RNF180: variants seen among roughly 807,000 people sequenced by gnomAD.
The protein encoded by RNF180 is E3 ubiquitin-protein ligase RNF180.
In RNF180, 38 loss-of-function variants were observed where a neutral mutation model predicts 59.2. The ratio of observed to expected loss-of-function variants is 0.64; its 90% CI spans 0.50 to 0.84. RNF180 has a LOEUF of 0.84. RNF180 is among the 40% of genes least tolerant of loss of function. The probability of loss-of-function intolerance (pLI) is 0.00; values close to 1 mark genes in which losing one functional copy is unlikely to be tolerated. For synonymous variants in RNF180, 262 were observed against 240.3 expected (o/e 1.09, Z -0.84); for missense variants, 705 against 700.9 (o/e 1.01, Z -0.07).
intron 7 of RNF180, among the ~76,000 whole-genome samples, chr5:64,364,442 C>T (rs988161902): frequency 6.6e-6 from 1 of 151,572 alleles, no homozygotes; most frequent in Non-Finnish European, 1.5e-5. Context: ...GTGGTGGACT[C>T]GCTTTTTGAT....
chr5:64,203,501 C>T (rs1751857919), intron 2 of RNF180, among the ~76,000 whole-genome samples: 1 of 151,946 alleles, frequency 6.6e-6, no homozygotes, highest in Non-Finnish European at 1.5e-5. Flanking sequence ...GGCAACATAC[C>T]AATCTTATTT....
intron 7 of RNF180, among the ~76,000 whole-genome samples, chr5:64,359,902 C>G (rs1746182075): frequency 6.6e-6 from 1 of 151,952 alleles, no homozygotes; most frequent in African/African-American, 2.4e-5. Flanking sequence ...AATCCTTTCC[C>G]CATTTCTTGT....
chr5:64,322,202 A>G (rs1171349040), intron 5 of RNF180, among the ~76,000 whole-genome samples: 2 of 152,226 alleles, frequency 1.3e-5, no homozygotes, highest in East Asian at 1.9e-4. Context: ...AAAAGAAACT[A>G]TAATCAGAGT....
intron 5 of RNF180, among the ~76,000 whole-genome samples, chr5:64,244,475 G>A (rs571245339): frequency 1.8e-4 from 27 of 151,952 alleles, no homozygotes; most frequent in Non-Finnish European, 3.8e-4. Flanking sequence ...CAATCAAGTC[G>A]AAGAAAGGAT....
At chr5:64,322,504 G>T (rs1744409841) in intron 5 of RNF180, among the ~76,000 whole-genome samples, 1 of 151,938 alleles carries the variant, frequency 6.6e-6, no homozygotes, top group Admixed American at 6.6e-5. Flanking sequence ...ATAGATGCTG[G>T]TGGGGCTGTG....
At chr5:64,235,342 T>C (rs1181817743) in intron 5 of RNF180, among the ~76,000 whole-genome samples, 1 of 152,106 alleles carries the variant, frequency 6.6e-6, no homozygotes, top group Non-Finnish European at 1.5e-5. Flanking sequence ...GATAATTAAA[T>C]CATTGATCAC....
chr5:64,195,055 C>T (rs1013555696), intron 1 of RNF180, among the ~76,000 whole-genome samples: 5 of 152,196 alleles, frequency 3.3e-5, no homozygotes, highest in African/African-American at 7.2e-5. Flanking sequence ...ACCACAGAAG[C>T]TTATCAGGTA....
At chr5:64,290,411 G>A (rs189045869) in intron 5 of RNF180, among the ~76,000 whole-genome samples, 233 of 152,286 alleles carry the variant, frequency 1.5e-3, no homozygotes, top group Non-Finnish European at 2.2e-3. Context: ...CCAGAGCTGA[G>A]TTTAGGTCCT....
chr5:64,192,900 C>CATATATATATATATATAT (rs1174084249), intron 1 of RNF180, among the ~76,000 whole-genome samples: 1 of 32,842 alleles, frequency 3.0e-5, no homozygotes. Context: ...GAAAGTGTGG[C>CATATATATATATATATAT]ATGTATATAT....
Position 64,371,119 on chromosome 5 carries a change from CTAG to C in RNF180, c.*1306_*1308del, listed in dbSNP as rs1168743704. 1.3e-5 allele frequency: 2 copies of C among 151,536 alleles called. No homozygotes were observed. Among genetic ancestry groups the C allele is most frequent in the African/African-American group, 2.4e-5 (1 of 41,374 alleles). 9.4% of individuals were successfully genotyped at this position (151,536 alleles called of 1,614,324 possible). A position where few individuals can be genotyped will look rare whatever the true frequency, so the allele number is the denominator to read the frequency against. ...GTTGGTATGTGATGTTCTAAGAAAACTAGAAGAATGGTACTGATTTCTATTCTA... is the reference window on the plus strand; with the variant it reads ...GTTGGTATGTGATGTTCTAAGAAAACAAGAATGGTACTGATTTCTATTCTA... On this transcript the variant is annotated 3_prime_UTR_variant, in exon 8 of 8. Transcript: ENST00000389100.
chr5:64,284,189 C>G (rs1742158521), intron 5 of RNF180, among the ~76,000 whole-genome samples: 1 of 152,116 alleles, frequency 6.6e-6, no homozygotes, highest in Non-Finnish European at 1.5e-5. Context: ...AGCCCCCAAT[C>G]TCTTCTAGCT....
intron 1 of RNF180, among the ~76,000 whole-genome samples, chr5:64,198,458 A>G (rs1239122395): frequency 1.3e-5 from 2 of 152,246 alleles, no homozygotes; most frequent in Admixed American, 1.3e-4. Flanking sequence ...ATACGAAAGC[A>G]TTGTCACACA....
intron 5 of RNF180, among the ~76,000 whole-genome samples, chr5:64,219,226 TG>T (rs1370486885): frequency 6.6e-6 from 1 of 150,522 alleles, no homozygotes; most frequent in African/African-American, 2.5e-5. Context: ...TGTATGAGTT[TG>T]ATATGATCAT....
At chr5:64,228,001 ACTC>A (rs1423887964) in intron 5 of RNF180, among the ~76,000 whole-genome samples, 2 of 151,782 alleles carry the variant, frequency 1.3e-5, no homozygotes, top group South Asian at 2.1e-4. Flanking sequence ...AATCTCACCT[ACTC>A]CTCTCACGTG....
At chr5:64,322,665 AAG>A (rs1390943301) in intron 5 of RNF180, among the ~76,000 whole-genome samples, 1 of 150,880 alleles carries the variant, frequency 6.6e-6, no homozygotes, top group Non-Finnish European at 1.5e-5. Context: ...CAGCCAATAA[AAG>A]GAATGAAATA....
intron 5 of RNF180, among the ~76,000 whole-genome samples, chr5:64,256,328 T>A (rs1743957617): frequency 6.6e-6 from 1 of 152,234 alleles, no homozygotes; most frequent in South Asian, 2.1e-4. Context: ...GTTTTTATGG[T>A]TTTAGATCTA....
chr5:64,188,125 G>A (rs1214338704), intron 1 of RNF180, among the ~76,000 whole-genome samples: 2 of 152,170 alleles, frequency 1.3e-5, no homozygotes, highest in African/African-American at 4.8e-5. Flanking sequence ...CAGCTCATCT[G>A]ACAGAGTTAT....
intron 5 of RNF180, among the ~76,000 whole-genome samples, chr5:64,223,691 T>C (rs560009369): frequency 1.3e-5 from 2 of 152,324 alleles, no homozygotes; most frequent in East Asian, 3.9e-4. Flanking sequence ...TATCTTTTTT[T>C]TTGATGATTC....
chr5:64,187,476 C>T (rs1750929686), intron 1 of RNF180, among the ~76,000 whole-genome samples: 1 of 152,184 alleles, frequency 6.6e-6, no homozygotes, highest in South Asian at 2.1e-4. Context: ...TTGATTTTAT[C>T]ATGTTCAAAC....
Sources: allele counts gnomAD v4.1 joint callset (sites outside exome capture counted in the v4.1 genomes callset), GRCh38; gene constraint gnomAD v4.1.1; transcripts MANE v1.5; gene names NCBI Gene and HGNC (gene_info 2026-07-23, HGNC 2026-07-21).